Variants in REV3L observed in about 807,000 individuals in gnomAD.
REV3L encodes the protein DNA polymerase zeta catalytic subunit.
Under a neutral mutation model 299.4 loss-of-function variants are expected in REV3L, and 69 were observed. The observed-to-expected ratio is 0.23, with a 90% CI of 0.19 to 0.28. The LOEUF is 0.28. REV3L is among the 10% of genes least tolerant of loss of function. The pLI, the probability that REV3L is intolerant of heterozygous loss-of-function variation, is 1.00. For synonymous variants in REV3L, 1,238 were observed against 1,271.4 expected (o/e 0.97, Z 0.56); for missense variants, 3,128 against 3,693.8 (o/e 0.85, Z 3.97).
At position 111,418,059 on chromosome 6, in the gene REV3L, A is replaced by G. The variant is rs139616232; in HGVS notation, c.140-1587T>C. Among the ~76,000 whole-genome samples the G allele has an allele frequency of 8.5e-5, 13 of 152,330 alleles. 1 individual carries two copies. The highest frequency in any genetic ancestry group is 1.5e-4 in the Non-Finnish European group (10 of 68,032). On this transcript the variant is annotated intron_variant, in intron 1 of 31. Transcript: ENST00000368802. ...ATCAATTTACTGATGACTTACTTGA[A>G]TGCTTTTTAAATATCTCATGAATAA...
At chr6:111,333,507 T>C (rs575642363) in intron 22 of REV3L, 140 bp from the exon 23 acceptor site, 1 of 1,102,142 alleles carries the variant, frequency 9.1e-7, no homozygotes, top group Non-Finnish European at 1.3e-6. Context: ...AGTGTTTCGC[T>C]CTTGTTGCCC....
intron 1 of REV3L, among the ~76,000 whole-genome samples, chr6:111,443,966 T>A (rs923392766): frequency 6.6e-6 from 1 of 152,252 alleles, no homozygotes; most frequent in Non-Finnish European, 1.5e-5. Context: ...CAAAGAGAAC[T>A]GATTTTAAAT....
intron 13 of REV3L, among the ~76,000 whole-genome samples, chr6:111,369,281 C>CAA (rs71021838): frequency 1.6e-3 from 112 of 68,050 alleles, no homozygotes; most frequent in East Asian, 3.1e-3. Context: ...GACTCTGTCT[C>CAA]AAAAAAAAAA....
At chr6:111,479,677 TTTTGTTTG>T (rs372483131) in intron 1 of REV3L, among the ~76,000 whole-genome samples, 3 of 152,002 alleles carry the variant, frequency 2.0e-5, no homozygotes, top group Admixed American at 6.6e-5. Context: ...GCCCAGCCAA[TTTTGTTTG>T]TTTGTTTGTT....
At chr6:111,437,756 AATTG>A (rs1233611934) in intron 1 of REV3L, among the ~76,000 whole-genome samples, 1 of 152,160 alleles carries the variant, frequency 6.6e-6, no homozygotes, top group Non-Finnish European at 1.5e-5. Context: ...AGTGTTCTAA[AATTG>A]ATTGCGCTTA....
At chr6:111,392,710 G>A (rs998234915) in intron 5 of REV3L, 166 bp downstream of exon 5, 7 of 473,600 alleles carry the variant, frequency 1.5e-5, no homozygotes, top group African/African-American at 1.9e-5. Flanking sequence ...TTTTAAAATC[G>A]TTTATTCCTT....
chr6:111,372,310 G>A (rs1481213843), intron 13 of REV3L, among the ~76,000 whole-genome samples: 2 of 152,114 alleles, frequency 1.3e-5, no homozygotes, highest in African/African-American at 2.4e-5. Flanking sequence ...TCTTTACAGT[G>A]AGCACCTCTA....
intron 1 of REV3L, among the ~76,000 whole-genome samples, chr6:111,459,132 A>G (rs2128323748): frequency 6.6e-6 from 1 of 152,204 alleles, no homozygotes; most frequent in Admixed American, 6.5e-5. Context: ...AAAGCCACAC[A>G]CCTACAACCA....
intron 1 of REV3L, among the ~76,000 whole-genome samples, chr6:111,475,360 T>A (rs9689727): frequency 6.6e-6 from 1 of 152,018 alleles, no homozygotes; most frequent in Non-Finnish European, 1.5e-5. Context: ...CAAAATCTTC[T>A]AGAGAATAAA....
intron 1 of REV3L, among the ~76,000 whole-genome samples, chr6:111,460,612 T>G (rs1056577314): frequency 6.6e-6 from 1 of 152,060 alleles, no homozygotes; most frequent in African/African-American, 2.4e-5. Context: ...AGACTTGGCC[T>G]ATAAGAAATG....
intron 3 of REV3L, 101 bp from the exon 4 acceptor site, chr6:111,405,731 C>G (rs1783550912): frequency 1.4e-6 from 1 of 696,430 alleles, no homozygotes; most frequent in East Asian, 3.2e-5. Flanking sequence ...CTTATTAGCA[C>G]ACAAAATTTC....
At chr6:111,316,469 G>T (rs1430487384) in intron 26 of REV3L, among the ~76,000 whole-genome samples, 1 of 151,884 alleles carries the variant, frequency 6.6e-6, no homozygotes, top group Non-Finnish European at 1.5e-5. Flanking sequence ...TTTGAGACCA[G>T]CCTGGCCAAC....
At chr6:111,451,416 T>C (rs1789523540) in intron 1 of REV3L, among the ~76,000 whole-genome samples, 1 of 152,122 alleles carries the variant, frequency 6.6e-6, no homozygotes, top group Non-Finnish European at 1.5e-5. Context: ...TATGTTCCTA[T>C]CAGTAACTCA....
At chr6:111,460,587 T>A (rs970218057) in intron 1 of REV3L, among the ~76,000 whole-genome samples, 2 of 152,006 alleles carry the variant, frequency 1.3e-5, no homozygotes, top group Non-Finnish European at 2.9e-5. Context: ...GAAACAAAGA[T>A]AATTTATTAC....
At chr6:111,477,750 G>C (rs1793111145) in intron 1 of REV3L, among the ~76,000 whole-genome samples, 1 of 152,202 alleles carries the variant, frequency 6.6e-6, no homozygotes, top group Non-Finnish European at 1.5e-5. Flanking sequence ...AGCTACTGAA[G>C]CATATCAAAC....
At chr6:111,469,386 G>T (rs1403097611) in intron 1 of REV3L, among the ~76,000 whole-genome samples, 1 of 152,162 alleles carries the variant, frequency 6.6e-6, no homozygotes, top group Admixed American at 6.5e-5. Context: ...TGAATAAATT[G>T]CTTACATAAA....
chr6:111,313,367 G>A lies in REV3L; in HGVS notation c.8589C>T (p.Cys2863=). The change falls in exon 28 of 32, where the codon TGC becomes TGT. Residue 2863 remains cysteine, a synonymous_variant. Coordinates refer to ENST00000368802, the MANE Select transcript of REV3L (RefSeq NM_001372078.1). ...TAAACCTTACCTTAGAAACAGCAGG[G>A]CAGGAATCTCTTCTGACTGTTTCTA... The part of the protein sequence containing the change: ...KGIETVRRDS[C]PAVSKILERS... The A allele has an allele frequency of 6.2e-7, 1 of 1,610,454 alleles. No individual in the cohort carries two copies. The highest frequency in any genetic ancestry group is 2.2e-5 in the East Asian group (1 of 44,750).
chr6:111,428,673 G>T (rs367749591), intron 1 of REV3L, among the ~76,000 whole-genome samples: 1 of 151,754 alleles, frequency 6.6e-6, no homozygotes, highest in Non-Finnish European at 1.5e-5. Context: ...AAATACATGA[G>T]GAGAAAAAAG....
At chr6:111,388,462 T>C (rs150300907) in intron 7 of REV3L, among the ~76,000 whole-genome samples, 2 of 152,298 alleles carry the variant, frequency 1.3e-5, no homozygotes, top group East Asian at 3.8e-4. Flanking sequence ...GCCTAAGATA[T>C]AATAATTTTA....
Sources: gnomAD v4.1 joint callset for allele counts (sites outside exome capture counted in the v4.1 genomes callset) on GRCh38, gnomAD v4.1.1 for gene constraint, MANE v1.5 for transcripts, NCBI Gene and HGNC (gene_info 2026-07-23, HGNC 2026-07-21) for gene names.